LSAMP: variants seen among roughly 807,000 people sequenced by gnomAD.
LSAMP encodes the protein limbic system associated membrane protein, also known as limbic system-associated membrane protein.
In LSAMP, 7 loss-of-function variants were observed where a neutral mutation model predicts 38.6. That is an observed-to-expected ratio of 0.18 (90% CI 0.10 to 0.34). LSAMP has a LOEUF of 0.34. Among genes scored for constraint, LSAMP ranks in the 10% least tolerant of loss-of-function variants. LSAMP has a pLI of 1.00. For synonymous variants in LSAMP, 154 were observed against 166.8 expected (o/e 0.92, Z 0.59); for missense variants, 313 against 420.0 (o/e 0.75, Z 2.23).
chr3:116,323,716 C>T (rs536923860), intron 1 of LSAMP, among the ~76,000 whole-genome samples: 1 of 152,166 alleles, frequency 6.6e-6, no homozygotes, highest in Non-Finnish European at 1.5e-5. Context: ...CTGGCTCTTC[C>T]AACTAGCATG....
At chr3:116,346,484 A>G (rs565927116) in intron 1 of LSAMP, among the ~76,000 whole-genome samples, 124 of 152,060 alleles carry the variant, frequency 8.2e-4, no homozygotes, top group Non-Finnish European at 1.2e-3. Flanking sequence ...GTGCACCACC[A>G]CACCTGGCTA....
At chr3:116,394,400 CCTCT>C (rs2048742165) in intron 1 of LSAMP, among the ~76,000 whole-genome samples, 1 of 152,134 alleles carries the variant, frequency 6.6e-6, no homozygotes. Flanking sequence ...CCTATTGCTC[CCTCT>C]GTTATCCCTG....
At chr3:116,107,043 T>C (rs1708484019) in intron 1 of LSAMP, among the ~76,000 whole-genome samples, 1 of 152,094 alleles carries the variant, frequency 6.6e-6, no homozygotes, top group Non-Finnish European at 1.5e-5. Flanking sequence ...TGGTGTGTGG[T>C]TATTAGGCCT....
intron 3 of LSAMP, among the ~76,000 whole-genome samples, chr3:115,872,752 C>A (rs1936078848): frequency 6.6e-6 from 1 of 151,898 alleles, no homozygotes; most frequent in African/African-American, 2.4e-5. Context: ...ATATTTAATC[C>A]CTGAACAAAT....
At chr3:115,938,227 G>T (rs1937777609) in intron 3 of LSAMP, among the ~76,000 whole-genome samples, 1 of 152,068 alleles carries the variant, frequency 6.6e-6, no homozygotes, top group South Asian at 2.1e-4. Context: ...AAATGACCCA[G>T]AACTCTACTG....
chr3:116,359,825 A>G (rs1467212391), intron 1 of LSAMP, among the ~76,000 whole-genome samples: 1 of 152,198 alleles, frequency 6.6e-6, no homozygotes, highest in Admixed American at 6.5e-5. Context: ...TTCAAAAATA[A>G]CTCAAGATGG....
chr3:116,155,570 G>A (rs956013762), intron 1 of LSAMP, among the ~76,000 whole-genome samples: 1 of 151,828 alleles, frequency 6.6e-6, no homozygotes, highest in Non-Finnish European at 1.5e-5. Flanking sequence ...CTAGCATGTT[G>A]CCTGGCTTAT....
intron 3 of LSAMP, among the ~76,000 whole-genome samples, chr3:115,955,226 G>A (rs909758823): frequency 1.3e-5 from 2 of 152,060 alleles, no homozygotes; most frequent in African/African-American, 2.4e-5. Flanking sequence ...GAGCCACCGC[G>A]CCTGGCCATG....
intron 1 of LSAMP, among the ~76,000 whole-genome samples, chr3:116,133,643 C>T (rs1709183452): frequency 1.3e-5 from 2 of 152,008 alleles, no homozygotes; most frequent in African/African-American, 4.8e-5. Context: ...GAAATAATAC[C>T]TACGTAATTA....
chr3:116,405,416 G>C (rs534422289), intron 1 of LSAMP, among the ~76,000 whole-genome samples: 1 of 152,230 alleles, frequency 6.6e-6, no homozygotes, highest in African/African-American at 2.4e-5. Flanking sequence ...GACAGACAGT[G>C]TGAGAAACTT....
At chr3:115,885,085 G>A (rs1447620954) in intron 3 of LSAMP, among the ~76,000 whole-genome samples, 3 of 151,990 alleles carry the variant, frequency 2.0e-5, no homozygotes, top group Non-Finnish European at 4.4e-5. Context: ...CAGAAGTGAA[G>A]AGGAAGGGAA....
At chr3:116,093,382 T>C (rs1486316321) in intron 1 of LSAMP, among the ~76,000 whole-genome samples, 1 of 152,198 alleles carries the variant, frequency 6.6e-6, no homozygotes, top group Non-Finnish European at 1.5e-5. Flanking sequence ...TATAGATGTC[T>C]GTCTCTTGGT....
chr3:116,131,545 G>A (rs555644360), intron 1 of LSAMP, among the ~76,000 whole-genome samples: 2 of 152,230 alleles, frequency 1.3e-5, no homozygotes, highest in East Asian at 3.9e-4. Context: ...GCTTCTGCAT[G>A]GCCATCTTCT....
intron 1 of LSAMP, among the ~76,000 whole-genome samples, chr3:116,205,944 T>A (rs2046061545): frequency 6.7e-6 from 1 of 148,316 alleles, no homozygotes; most frequent in Non-Finnish European, 1.5e-5. Flanking sequence ...GATTCCCTCT[T>A]TTTCTATTGA....
chr3:116,144,856 A>G (rs571651065), intron 1 of LSAMP, among the ~76,000 whole-genome samples: 9 of 151,918 alleles, frequency 5.9e-5, no homozygotes, highest in Non-Finnish European at 1.2e-4. Flanking sequence ...TTCTATATCT[A>G]TTCACATACA....
intron 3 of LSAMP, among the ~76,000 whole-genome samples, chr3:115,975,333 C>T (rs1022050963): frequency 6.6e-6 from 1 of 152,144 alleles, no homozygotes; most frequent in African/African-American, 2.4e-5. Context: ...GATTTTATGG[C>T]ACTTAGCCTG....
chr3:116,301,551 C>T (rs78950609), intron 1 of LSAMP, among the ~76,000 whole-genome samples: 7,724 of 152,164 alleles, frequency 0.051, 625 homozygotes, highest in African/African-American at 0.17. Flanking sequence ...TTTCCCAAAA[C>T]GGTTTCTTGA....
intron 3 of LSAMP, among the ~76,000 whole-genome samples, chr3:115,969,556 T>A (rs779072618): frequency 1.5e-4 from 23 of 152,204 alleles, no homozygotes; most frequent in Non-Finnish European, 2.4e-4. Flanking sequence ...AAAAAATTCT[T>A]TGAAAGCTCA....
chr3:115,907,053 G>A (rs924814733), intron 3 of LSAMP, among the ~76,000 whole-genome samples: 1 of 152,104 alleles, frequency 6.6e-6, no homozygotes, highest in African/African-American at 2.4e-5. Context: ...GCACCAGTCA[G>A]TTGGTTTTCC....
Sources: gnomAD v4.1 joint callset for allele counts (sites outside exome capture counted in the v4.1 genomes callset) on GRCh38, gnomAD v4.1.1 for gene constraint, MANE v1.5 for transcripts, NCBI Gene and HGNC (gene_info 2026-07-23, HGNC 2026-07-21) for gene names.